Variants in ARHGAP28 observed in about 807,000 individuals in gnomAD.
ARHGAP28 encodes rho GTPase-activating protein 28.
ARHGAP28 carries 56 observed loss-of-function variants against 90.7 expected under a neutral mutation model. That is an observed-to-expected ratio of 0.62 (90% confidence interval 0.50 to 0.77). ARHGAP28 has a LOEUF of 0.77. ARHGAP28 is among the 30% of genes least tolerant of loss of function. The pLI, the probability that ARHGAP28 is intolerant of heterozygous loss-of-function variation, is 0.00. For synonymous variants in ARHGAP28, 308 were observed against 323.3 expected, an observed-to-expected ratio of 0.95 and a Z score of 0.51; for missense variants, 869 against 900.9, an observed-to-expected ratio of 0.96 and a Z score of 0.45.
chr18:6,894,001 G>A (rs1746695394), intron 14 of ARHGAP28, among the ~76,000 whole-genome samples: 1 of 151,420 alleles, frequency 6.6e-6, no homozygotes, highest in Non-Finnish European at 1.5e-5. Flanking sequence ...CGAGTAGTTG[G>A]GACTACAGAT....
intron 11 of ARHGAP28, among the ~76,000 whole-genome samples, chr18:6,884,236 T>G (rs1161049452): frequency 1.3e-5 from 2 of 152,144 alleles, no homozygotes; most frequent in Non-Finnish European, 2.9e-5. Flanking sequence ...TGGCCAGGCG[T>G]GGTGGCGGGC....
chr18:6,890,173 C>A, intron 13 of ARHGAP28, 88 bp downstream of exon 13: 1 of 1,442,728 alleles, frequency 6.9e-7, no homozygotes, highest in South Asian at 1.2e-5. Flanking sequence ...CTCCCTTGGT[C>A]ATAGGGAAGA....
rs747348265 is a variant in ARHGAP28, at chr18:6,824,919, G to C, written c.280G>C (p.Gly94Arg). Residue 94 changes from glycine to arginine, a missense_variant, in exon 2 of 18, where the codon GGA becomes CGA. Transcript: ENST00000383472. ...EIESIKDSSM[G>R]GQEEPPPAEV... The stretch of plus-strand genomic sequence containing the variant: ...AGAAAGTATTAAAGACAGCAGCATG[G>C]GAGGGCAAGAAGAGCCACCGCCAGC... The C allele has an allele frequency of 6.5e-6, 10 of 1,535,730 alleles. No individual in the cohort carries two copies. In the African/African-American group the frequency reaches 8.2e-5, roughly 13 times the overall value.
rs138881691 is a variant in ARHGAP28 at position 6,834,994 on chromosome 18, T to C, written c.326-2203T>C. Among the ~76,000 whole-genome samples the C allele has an allele frequency of 1.3e-4, 20 of 152,336 alleles. No individual in the cohort carries two copies. The East Asian group carries it at 3.7e-3, about 28-fold the overall frequency. On this transcript the variant is annotated intron_variant, in intron 2 of 17. Coordinates refer to ENST00000383472, the MANE Select transcript of ARHGAP28 (RefSeq NM_001366230.1). ...AGTGGATATTGAATAGGCAGTCAGATATATGGAACTGAAATTCAAAGGAGT... is the reference window on the plus strand; with the variant it reads ...AGTGGATATTGAATAGGCAGTCAGACATATGGAACTGAAATTCAAAGGAGT...
chr18:6,859,962 A>G (rs2056985170), intron 5 of ARHGAP28, 65 bp downstream of exon 5: 1 of 1,384,878 alleles, frequency 7.2e-7, no homozygotes, highest in East Asian at 2.3e-5. Context: ...CAACTAATGT[A>G]GGAAGGTAAG....
At chr18:6,883,963 T>A (rs1361828914) in intron 11 of ARHGAP28, among the ~76,000 whole-genome samples, 3 of 152,192 alleles carry the variant, frequency 2.0e-5, no homozygotes, top group Non-Finnish European at 4.4e-5. Context: ...GTTCTAGAAT[T>A]TTCAGTTGGT....
intron 2 of ARHGAP28, among the ~76,000 whole-genome samples, chr18:6,835,852 T>A (rs2056749167): frequency 1.3e-5 from 2 of 152,188 alleles, no homozygotes; most frequent in Non-Finnish European, 2.9e-5. Flanking sequence ...CTGTCATAAA[T>A]ACATTGATTT....
chr18:6,840,904 A>G (rs988291734), intron 3 of ARHGAP28, among the ~76,000 whole-genome samples: 1 of 152,186 alleles, frequency 6.6e-6, no homozygotes, highest in African/African-American at 2.4e-5. Flanking sequence ...AAAGCTATAT[A>G]AACCTCACTT....
chr18:6,873,390 C>G lies in ARHGAP28; in HGVS notation c.955-19C>G. On this transcript the variant is annotated intron_variant, in intron 7 of 17. Coordinates refer to ENST00000383472, the MANE Select transcript of ARHGAP28 (RefSeq NM_001366230.1). ...TTTCCTTTGCCATAAAAAATAAATA[C>G]CTTCACTGTGTGTTTTAGAAATTTA... is the stretch of plus-strand genomic sequence containing the variant. The G allele has an allele frequency of 1.3e-6, 2 of 1,595,372 alleles. No homozygotes were observed. Among genetic ancestry groups the G allele is most frequent in the Non-Finnish European group, 1.7e-6 (2 of 1,174,286 alleles).
intron 4 of ARHGAP28, among the ~76,000 whole-genome samples, 197 bp downstream of exon 4, chr18:6,851,323 G>A (rs1175403963): frequency 3.3e-5 from 5 of 152,168 alleles, no homozygotes; most frequent in African/African-American, 4.8e-5. Flanking sequence ...AGTTAAGCTC[G>A]TGAAAATGTG....
At chr18:6,746,507 G>A (rs962032163) in intron 1 of ARHGAP28, among the ~76,000 whole-genome samples, 6 of 152,144 alleles carry the variant, frequency 3.9e-5, no homozygotes, top group Admixed American at 2.6e-4. Flanking sequence ...TTTCTACTCC[G>A]CCTACTCATG....
intron 1 of ARHGAP28, among the ~76,000 whole-genome samples, chr18:6,768,402 A>T (rs1425095097): frequency 6.6e-6 from 1 of 152,002 alleles, no homozygotes; most frequent in Admixed American, 6.6e-5. Flanking sequence ...AAGTTTTGTT[A>T]AGGGAGGTCT....
At chr18:6,754,833 T>G (rs1600153845) in intron 1 of ARHGAP28, 1 of 151,892 alleles carries the variant, frequency 6.6e-6, no homozygotes, top group South Asian at 2.1e-4. Context: ...GGTCAGGGGG[T>G]TTGTGTAAGG....
intron 1 of ARHGAP28, among the ~76,000 whole-genome samples, chr18:6,756,135 C>T (rs1290548271): frequency 6.6e-6 from 1 of 152,168 alleles, no homozygotes; most frequent in African/African-American, 2.4e-5. Context: ...GTATTAATCT[C>T]ACAGATTTAT....
chr18:6,875,784 T>C (rs2057126466), intron 9 of ARHGAP28, among the ~76,000 whole-genome samples: 1 of 152,214 alleles, frequency 6.6e-6, no homozygotes, highest in African/African-American at 2.4e-5. Flanking sequence ...AATCTCTTGT[T>C]ACTGATCAGT....
chr18:6,747,886 T>C (rs2056036704), intron 1 of ARHGAP28, among the ~76,000 whole-genome samples: 1 of 152,232 alleles, frequency 6.6e-6, no homozygotes, highest in African/African-American at 2.4e-5. Flanking sequence ...GGTTGGATGA[T>C]CCAGCTGGGT....
chr18:6,809,168 C>T (rs567684706), intron 1 of ARHGAP28, among the ~76,000 whole-genome samples: 1 of 152,288 alleles, frequency 6.6e-6, no homozygotes, highest in Admixed American at 6.5e-5. Context: ...TTCTCCCTGG[C>T]ATCATAGTCC....
rs1425214077 is a variant in ARHGAP28 at position 6,914,547 on chromosome 18, G to A, written c.*2393G>A. The A allele has an allele frequency of 6.6e-6, 1 of 151,756 alleles. No homozygotes were observed. Among genetic ancestry groups the A allele is most frequent in the African/African-American group, 2.4e-5 (1 of 41,300 alleles). 9.4% of individuals were successfully genotyped at this position (151,756 alleles called of 1,614,324 possible). A position where few individuals can be genotyped will look rare whatever the true frequency, so the allele number is the denominator to read the frequency against. The stretch of plus-strand genomic sequence containing the variant: ...ATAAACAAACCCCTACAGTTAAAAT[G>A]CAAAGATGCCTGTCATCTAAGTATT... On this transcript the variant is annotated 3_prime_UTR_variant, in exon 18 of 18. Coordinates refer to ENST00000383472, the MANE Select transcript of ARHGAP28 (RefSeq NM_001366230.1).
intron 16 of ARHGAP28, among the ~76,000 whole-genome samples, chr18:6,901,049 CCTT>C (rs2057335749): frequency 6.6e-6 from 1 of 152,154 alleles, no homozygotes; most frequent in African/African-American, 2.4e-5. Context: ...GCAAAAATGT[CCTT>C]CTGGAAATGA....
Sources: gnomAD v4.1 joint callset for allele counts (sites outside exome capture counted in the v4.1 genomes callset) on GRCh38, gnomAD v4.1.1 for gene constraint, MANE v1.5 for transcripts, NCBI Gene and HGNC (gene_info 2026-07-23, HGNC 2026-07-21) for gene names.